The following ARFGEF2 variants were observed in gnomAD, a reference collection of about 807,000 sequenced individuals.
The protein encoded by ARFGEF2 is ARF guanine nucleotide exchange factor 2.
In ARFGEF2, 74 loss-of-function variants were observed where a neutral mutation model predicts 219.9. That is an observed-to-expected ratio of 0.34 (90% CI 0.28 to 0.41). ARFGEF2 has a LOEUF of 0.41. ARFGEF2 is among the 10% of genes least tolerant of loss of function. ARFGEF2 has a pLI of 1.00. For synonymous variants in ARFGEF2, 733 were observed against 799.2 expected, an observed-to-expected ratio of 0.92 and a Z score of 1.40; for missense variants, 1,743 against 2,218.3, an observed-to-expected ratio of 0.79 and a Z score of 4.30.
chr20:48,925,523 T>C (rs934266697), intron 1 of ARFGEF2, among the ~76,000 whole-genome samples: 4 of 152,218 alleles, frequency 2.6e-5, no homozygotes, highest in African/African-American at 9.6e-5. Context: ...GGATAATCTA[T>C]TTAAAATTCG....
chr20:48,941,889 G>A lies in ARFGEF2; in HGVS notation c.178G>A (p.Ala60Thr), dbSNP rs754961991. ...GCTTGGCACTGCTGCACCACCAAAG[G>A]CAAACTTCATTGAAGCTGACAAGTA... ...QRLGTAAPPK[A>T]NFIEADKYFL... The change falls in exon 3 of 39, where the codon GCA becomes ACA. Residue 60 changes from alanine (A) to threonine (T), a missense_variant. Physicochemically the swap from Ala to Thr is moderately conservative, Grantham distance 58. Coordinates refer to ENST00000371917, the MANE Select transcript of ARFGEF2 (RefSeq NM_006420.3). 7 of 1,614,206 alleles carry A rather than the reference G, an allele frequency of 4.3e-6. No individual in the cohort carries two copies. The highest frequency in any genetic ancestry group is 2.2e-5 in the East Asian group (1 of 44,888).
Position 49,032,000 on chromosome 20 carries a change from A to G in ARFGEF2, c.5064-49A>G, listed in dbSNP as rs1417524875. 2.5e-6 allele frequency: 3 copies of G among 1,180,514 alleles called. No homozygotes were observed. In the African/African-American group the frequency reaches 4.5e-5, roughly 18 times the overall value. The allele number at this position is 1,180,514 out of a possible 1,614,324, so 73.1% of individuals were successfully genotyped here. A position where few individuals can be genotyped will look rare whatever the true frequency, so the allele number is the denominator to read the frequency against. ...AATGAATAGTTCTCCCCTGAATGTG[A>G]GATGTTAATCAATTGTTTGATATGC... On this transcript the variant is annotated intron_variant, in intron 37 of 38. Transcript: ENST00000371917.
rs1372712604 is a variant in ARFGEF2, at chr20:48,989,666, C to G, written c.2796C>G (p.Ala932=). The G allele has an allele frequency of 6.2e-6, 10 of 1,614,204 alleles. No individual in the cohort carries two copies. Among genetic ancestry groups the G allele is most frequent in the Non-Finnish European group, 8.5e-6 (10 of 1,180,048 alleles). Reference sequence around the variant, plus strand: ...GCATCCGATGTGCAATCCGAATCGCCTGCATCTTTGGAATGCAGGTAGGTG... The same window carrying G: ...GCATCCGATGTGCAATCCGAATCGCGTGCATCTTTGGAATGCAGGTAGGTG... ...LEGIRCAIRI[A]CIFGMQLERD... is the part of the protein sequence containing the mutation. Residue 932 remains alanine (A), a synonymous_variant, in exon 20 of 39, where the codon GCC becomes GCG. Coordinates refer to ENST00000371917, the MANE Select transcript of ARFGEF2 (RefSeq NM_006420.3).
intron 3 of ARFGEF2, among the ~76,000 whole-genome samples, chr20:48,948,286 G>A (rs114580471): frequency 0.016 from 2,412 of 151,840 alleles, 67 homozygotes; most frequent in African/African-American, 0.055. Flanking sequence ...ATTCAACACC[G>A]TTATCAGGCT....
chr20:48,953,349 T>A (rs2091083579), intron 5 of ARFGEF2, among the ~76,000 whole-genome samples: 1 of 151,984 alleles, frequency 6.6e-6, no homozygotes, highest in Non-Finnish European at 1.5e-5. Flanking sequence ...CTAATTTTTT[T>A]ATTTTCTATA....
At chr20:48,929,092 A>G (rs2090897525) in intron 1 of ARFGEF2, among the ~76,000 whole-genome samples, 1 of 152,232 alleles carries the variant, frequency 6.6e-6, no homozygotes, top group South Asian at 2.1e-4. Context: ...AGCTCTTGCC[A>G]GTTTCACCAG....
chr20:48,938,318 G>A (rs2090972701), intron 1 of ARFGEF2, among the ~76,000 whole-genome samples: 2 of 152,222 alleles, frequency 1.3e-5, no homozygotes, highest in Admixed American at 6.5e-5. Context: ...CTTTTCTGCA[G>A]CCACTGAAGC....
At position 48,998,422 on chromosome 20, in the gene ARFGEF2, G is replaced by T; in HGVS notation, c.3349G>T (p.Val1117Leu). The change falls in exon 25 of 39, where the codon GTG (valine) becomes TTG (leucine). Residue 1117 changes from valine to leucine, a missense_variant. Val to Leu is a conservative substitution (Grantham distance 32). Coordinates refer to ENST00000371917, the MANE Select transcript of ARFGEF2 (RefSeq NM_006420.3). ...HPRMFSLQKI[V>L]EISYYNMNRI... Reference sequence around the variant, plus strand: ...TCGCATGTTCAGCTTGCAGAAGATTGTGGAGATATCATACTACAACATGAA... The same window carrying T: ...TCGCATGTTCAGCTTGCAGAAGATTTTGGAGATATCATACTACAACATGAA... The T allele has an allele frequency of 9.9e-6, 16 of 1,614,042 alleles. No homozygotes were observed. Among genetic ancestry groups the T allele is most frequent in the Non-Finnish European group, 1.3e-5 (15 of 1,180,026 alleles).
At chr20:48,973,040 A>G in intron 11 of ARFGEF2, 105 bp from the exon 12 acceptor site, 1 of 1,276,530 alleles carries the variant, frequency 7.8e-7, no homozygotes, top group Non-Finnish European at 1.1e-6. Context: ...TGGCCACCGG[A>G]GTCTGTAGTT....
At chr20:49,027,451 C>G (rs572897358) in intron 36 of ARFGEF2, among the ~76,000 whole-genome samples, 14 of 152,270 alleles carry the variant, frequency 9.2e-5, no homozygotes, top group African/African-American at 3.4e-4. Flanking sequence ...AATCCCAGCA[C>G]TTTGGGAGGC....
intron 30 of ARFGEF2, among the ~76,000 whole-genome samples, chr20:49,015,491 G>A (rs1463649633): frequency 6.6e-6 from 1 of 152,182 alleles, no homozygotes; most frequent in African/African-American, 2.4e-5. Flanking sequence ...GAACATTTAG[G>A]TTGCTTTCCG....
intron 1 of ARFGEF2, among the ~76,000 whole-genome samples, chr20:48,929,924 C>T (rs1314267656): frequency 6.6e-6 from 1 of 152,108 alleles, no homozygotes; most frequent in Non-Finnish European, 1.5e-5. Context: ...TGAGATGACA[C>T]TGAAGAGTTT....
intron 3 of ARFGEF2, among the ~76,000 whole-genome samples, chr20:48,951,078 G>A (rs1030247465): frequency 4.0e-5 from 6 of 151,836 alleles, no homozygotes; most frequent in Non-Finnish European, 7.4e-5. Flanking sequence ...AGATGGTTGC[G>A]TACTGGGGAG....
rs139648715 is a variant in ARFGEF2 at position 48,995,856 on chromosome 20, G to C, written c.3195G>C (p.Ser1065=). ...AAGAATCGGTTGGTGAGACCAGCTC[G>C]CAGAGTGTGGTTGTAGCTGTGGACA... ...SFQESVGETS[S]QSVVVAVDRI... Residue 1065 remains serine, a synonymous_variant, in exon 23 of 39, where the codon TCG becomes TCC. Transcript: ENST00000371917. 1.2e-6 allele frequency: 2 copies of C among 1,614,110 alleles called. No homozygotes were observed. The highest frequency in any genetic ancestry group is 1.7e-6 in the Non-Finnish European group (2 of 1,179,996).
Position 49,033,372 on chromosome 20 carries a change from T to C in ARFGEF2, c.*173T>C, listed in dbSNP as rs202053469. The C allele has an allele frequency of 4.4e-6, 3 of 680,438 alleles. No individual in the cohort carries two copies. The highest frequency in any genetic ancestry group is 7.5e-6 in the Non-Finnish European group (3 of 400,154). The allele number at this position is 680,438 out of a possible 1,614,324, so 42.2% of individuals were successfully genotyped here. A position where few individuals can be genotyped will look rare whatever the true frequency, so the allele number is the denominator to read the frequency against. ...CATCACAGTCTCCAACTAAGGCTTA[T>C]GGTATTTCATTAAACTGTTGCATAC... On this transcript the variant is annotated 3_prime_UTR_variant, in exon 39 of 39. Coordinates refer to ENST00000371917, the MANE Select transcript of ARFGEF2 (RefSeq NM_006420.3).
rs374535118 is a variant in ARFGEF2, at chr20:48,941,242, A to C, written c.152+13A>C. On this transcript the variant is annotated intron_variant, in intron 2 of 38. Transcript: ENST00000371917. ...TAGAAAAGCAGAGGTAAGCTATAGC[A>C]CTACCTCCTTGCTGAGATACGGCAT... 5.0e-6 allele frequency: 8 copies of C among 1,612,626 alleles called. No homozygotes were observed. The highest frequency in any genetic ancestry group is 5.9e-6 in the Non-Finnish European group (7 of 1,179,164).
chr20:48,980,238 T>C (rs2123440380), intron 14 of ARFGEF2, among the ~76,000 whole-genome samples: 1 of 152,360 alleles, frequency 6.6e-6, no homozygotes, highest in South Asian at 2.1e-4. Flanking sequence ...TTTCGTTATG[T>C]ACCCAGTAGT....
chr20:48,953,797 G>T lies in ARFGEF2; in HGVS notation c.838+7G>T, dbSNP rs2091088644. 1 of 1,612,648 alleles carries T rather than the reference G, an allele frequency of 6.2e-7. No individual in the cohort carries two copies. The highest frequency in any genetic ancestry group is 1.7e-5 in the Admixed American group (1 of 59,776). On this transcript the variant is annotated splice_region_variant and intron_variant, in intron 6 of 38. Coordinates refer to ENST00000371917, the MANE Select transcript of ARFGEF2 (RefSeq NM_006420.3). Reference sequence around the variant, plus strand: ...AGAGGCTCATCACTGTCAGGTACGGGCTGATACGGTATGGCTCTTTTTCCA... The same window carrying T: ...AGAGGCTCATCACTGTCAGGTACGGTCTGATACGGTATGGCTCTTTTTCCA...
At chr20:48,985,372 A>C in intron 15 of ARFGEF2, 36 bp from the exon 16 acceptor site, 1 of 1,610,908 alleles carries the variant, frequency 6.2e-7, no homozygotes. Flanking sequence ...TTCGTATTTG[A>C]CAATTTCTGG....
Sources: gnomAD v4.1 joint callset for allele counts (sites outside exome capture counted in the v4.1 genomes callset) on GRCh38, gnomAD v4.1.1 for gene constraint, MANE v1.5 for transcripts, NCBI Gene and HGNC (gene_info 2026-07-23, HGNC 2026-07-21) for gene names.